Variants in PIGG observed in about 807,000 individuals in gnomAD.
PIGG encodes the protein GPI ethanolamine phosphate transferase 2, catalytic subunit.
PIGG carries 70 observed loss-of-function variants against 83.2 expected under a neutral mutation model. That is an observed-to-expected ratio of 0.84 (90% CI 0.69 to 1.03). The LOEUF (loss-of-function observed/expected upper bound fraction) is 1.03, where lower values mean the gene tolerates loss of function less well. Among genes scored for constraint, PIGG ranks in the 50% least tolerant of loss-of-function variants. PIGG has a pLI of 0.00. For synonymous variants in PIGG, 532 were observed against 519.5 expected (o/e 1.02, Z -0.33); for missense variants, 1,257 against 1,233.6 (o/e 1.02, Z -0.28).
chr4:534,782 G>GT (rs1730008417), intron 12 of PIGG, among the ~76,000 whole-genome samples: 1 of 151,566 alleles, frequency 6.6e-6, no homozygotes, highest in Non-Finnish European at 1.5e-5. Context: ...TTGTGCAGAT[G>GT]TCCCCGGGGG....
Position 527,109 on chromosome 4 carries a change from A to G in PIGG, c.2140A>G (p.Arg714Gly), listed in dbSNP as rs745497751. The G allele has an allele frequency of 2.5e-6, 4 of 1,614,032 alleles. No homozygotes were observed. The highest frequency in any genetic ancestry group is 3.4e-6 in the Non-Finnish European group (4 of 1,179,982). The change falls in exon 10 of 13, where the codon AGG becomes GGG. Residue 714 changes from arginine to glycine, a missense_variant. Coordinates refer to ENST00000453061, the MANE Select transcript of PIGG (RefSeq NM_001127178.3). ...CCTCGTAGTTTTTGTGCTGGTGCAG[A>G]GGGGGTGCTCCCCTGTGTCCAAGGC... ...SLLVVFVLVQRGCSPVSKAAL... is the reference protein window; with the variant it reads ...SLLVVFVLVQGGCSPVSKAAL...
chr4:507,864 C>T (rs1720336179), intron 4 of PIGG, among the ~76,000 whole-genome samples: 1 of 152,130 alleles, frequency 6.6e-6, no homozygotes, highest in Non-Finnish European at 1.5e-5. Flanking sequence ...GTGCCACTCT[C>T]TCTGTTCTGT....
intron 12 of PIGG, among the ~76,000 whole-genome samples, 185 bp downstream of exon 12, chr4:534,166 G>A (rs974961501): frequency 3.9e-5 from 6 of 152,360 alleles, no homozygotes; most frequent in East Asian, 3.9e-4. Flanking sequence ...TGAGGTGTCC[G>A]TGTAGGGCCA....
intron 5 of PIGG, among the ~76,000 whole-genome samples, chr4:511,600 G>A (rs1721984551): frequency 6.6e-6 from 1 of 152,322 alleles, no homozygotes; most frequent in South Asian, 2.1e-4. Flanking sequence ...TAGTGATATA[G>A]ACATGGTTTT....
chr4:502,337 G>A (rs1369650713), intron 2 of PIGG: 1 of 152,202 alleles, frequency 6.6e-6, no homozygotes, highest in Non-Finnish European at 1.5e-5. Context: ...GGAGGAGCTA[G>A]AACAGAAAGC....
At position 518,782 on chromosome 4, in the gene PIGG, G is replaced by A. The variant is rs368299973; in HGVS notation, c.1115-2274G>A. Among the ~76,000 whole-genome samples, 159 of 152,100 alleles carry A rather than the reference G, an allele frequency of 1.0e-3. 2 individuals are homozygous for A. The South Asian group carries it at 0.028, about 26-fold the overall frequency. On this transcript the variant is annotated intron_variant, in intron 6 of 12. Transcript: ENST00000453061. ...CACAGCGTCTGGAACCCCCCCTGGCGGCCCATTGTCTACACCGTCGGGGAT... is the reference window on the plus strand; with the variant it reads ...CACAGCGTCTGGAACCCCCCCTGGCAGCCCATTGTCTACACCGTCGGGGAT...
chr4:506,901 C>T (rs749666031), intron 3 of PIGG: 4 of 404,194 alleles, frequency 9.9e-6, no homozygotes, highest in Non-Finnish European at 1.0e-5. Flanking sequence ...GCCCTTTGCC[C>T]TTAGTTACCT....
chr4:523,357 G>A, intron 8 of PIGG, 102 bp from the exon 9 acceptor site: 1 of 838,724 alleles, frequency 1.2e-6, no homozygotes, highest in Non-Finnish European at 2.0e-6. Flanking sequence ...GAACAATGGT[G>A]TGTGTCCAGG....
rs775139929 is a variant in PIGG, at chr4:530,685, C to T, written c.2511C>T (p.His837=). ...AATTCATCTGGAAGCCCCTGAGACACGATGCAGCTGAGATTACTGTGATGC... is the reference window on the plus strand; with the variant it reads ...AATTCATCTGGAAGCCCCTGAGACATGATGCAGCTGAGATTACTGTGATGC... The part of the protein sequence containing the change: ...MTKFIWKPLR[H]DAAEITVMHY... Residue 837 remains histidine (H), a synonymous_variant, in exon 11 of 13, where the codon CAC becomes CAT. Transcript: ENST00000453061. 1.1e-5 allele frequency: 17 copies of T among 1,613,442 alleles called. No homozygotes were observed. Among genetic ancestry groups the T allele is most frequent in the African/African-American group, 4.0e-5 (3 of 74,876 alleles).
At chr4:522,393 T>C in intron 8 of PIGG, 1 of 272,444 alleles carries the variant, frequency 3.7e-6, no homozygotes, top group Non-Finnish European at 7.1e-6. Context: ...ACCCCCAGAA[T>C]GCATCCTGCC....
chr4:518,854 C>T (rs28609510), intron 6 of PIGG, among the ~76,000 whole-genome samples: 26,226 of 151,914 alleles, frequency 0.17, 2,841 homozygotes, highest in African/African-American at 0.31. Context: ...CACTGAAATA[C>T]GTTTTAGAAC....
At chr4:533,006 A>AG (rs2109027983) in intron 11 of PIGG, 1 of 133,658 alleles carries the variant, frequency 7.5e-6, no homozygotes, top group African/African-American at 3.0e-5. Context: ...ATGGAGAGGT[A>AG]GGGCCTAGGA....
chr4:505,650 T>TAAA, intron 2 of PIGG, 68 bp from the exon 3 acceptor site: 1 of 972,504 alleles, frequency 1.0e-6, no homozygotes, highest in Non-Finnish European at 1.6e-6. Context: ...AAAAAAAAAA[T>TAAA]CTTCAGTGCC....
chr4:501,990 G>T (rs984771935), intron 2 of PIGG: 2 of 152,214 alleles, frequency 1.3e-5, no homozygotes, highest in African/African-American at 4.8e-5. Context: ...CAGAGTTTTT[G>T]CCGTCCTGCT....
intron 4 of PIGG, among the ~76,000 whole-genome samples, chr4:508,359 C>T (rs1236738388): frequency 2.6e-5 from 4 of 152,206 alleles, no homozygotes; most frequent in Non-Finnish European, 5.9e-5. Context: ...TGGCTTGTCC[C>T]GGAGCAGCAA....
chr4:527,690 T>C, intron 10 of PIGG: 1 of 988,422 alleles, frequency 1.0e-6, no homozygotes, highest in Non-Finnish European at 1.2e-6. Flanking sequence ...CAGACCGTCC[T>C]TGTAATTTAT....
intron 11 of PIGG, chr4:532,778 CAT>C (rs1157781423): frequency 2.6e-5 from 4 of 152,394 alleles, no homozygotes; most frequent in African/African-American, 7.2e-5. Flanking sequence ...TTGATAGAGA[CAT>C]GTGCTGTCGG....
At chr4:523,155 T>G (rs1220411885) in intron 8 of PIGG, among the ~76,000 whole-genome samples, 1 of 152,126 alleles carries the variant, frequency 6.6e-6, no homozygotes, top group Admixed American at 6.5e-5. Context: ...TTCTGACCAT[T>G]TTCAGTCTTT....
At chr4:511,295 T>TAAAAAA (rs537741053) in intron 5 of PIGG, among the ~76,000 whole-genome samples, 4 of 142,790 alleles carry the variant, frequency 2.8e-5, no homozygotes, top group African/African-American at 8.2e-5. Flanking sequence ...CTCCCCATCT[T>TAAAAAA]TAAAAAAAAA....
Sources: gnomAD v4.1 joint callset for allele counts (sites outside exome capture counted in the v4.1 genomes callset) on GRCh38, gnomAD v4.1.1 for gene constraint, MANE v1.5 for transcripts, NCBI Gene and HGNC (gene_info 2026-07-23, HGNC 2026-07-21) for gene names.